Variants in CACNG2 observed in about 807,000 individuals in gnomAD.
CACNG2 encodes voltage-dependent calcium channel gamma-2 subunit.
A neutral mutation model predicts 25.9 loss-of-function variants in CACNG2; 3 were observed. The observed-to-expected ratio is 0.12, with a 90% confidence interval of 0.05 to 0.30. The LOEUF (loss-of-function observed/expected upper bound fraction) is 0.30, where lower values mean the gene tolerates loss of function less well. Among genes scored for constraint, CACNG2 ranks in the 10% least tolerant of loss-of-function variants. The probability of loss-of-function intolerance (pLI) is 1.00; values close to 1 mark genes in which losing one functional copy is unlikely to be tolerated. For missense variants in CACNG2, 341 were observed against 432.5 expected (o/e 0.79, Z 1.88); for synonymous variants, 167 against 173.3 (o/e 0.96, Z 0.29).
chr22:36,634,186 A>G (rs1290353270), intron 1 of CACNG2, among the ~76,000 whole-genome samples: 1 of 152,204 alleles, frequency 6.6e-6, no homozygotes, highest in Non-Finnish European at 1.5e-5. Context: ...TGTTTTCCCT[A>G]TAGTCTAGCA....
chr22:36,655,715 CTTTCTT>C (rs1936692806), intron 1 of CACNG2, among the ~76,000 whole-genome samples: 1 of 132,902 alleles, frequency 7.5e-6, no homozygotes, highest in Non-Finnish European at 1.5e-5. Flanking sequence ...TTCTCTTTCT[CTTTCTT>C]TCTTTTCTTT....
chr22:36,623,401 T>C (rs1339481431), intron 1 of CACNG2, among the ~76,000 whole-genome samples: 1 of 152,162 alleles, frequency 6.6e-6, no homozygotes, highest in East Asian at 1.9e-4. Flanking sequence ...TTGGCATTCA[T>C]ATGCTGGGGC....
chr22:36,699,980 G>A (rs575092501), intron 1 of CACNG2, among the ~76,000 whole-genome samples: 136 of 152,362 alleles, frequency 8.9e-4, no homozygotes, highest in African/African-American at 3.1e-3. Flanking sequence ...TTAAAGGCCC[G>A]GTCAAAAGCG....
intron 2 of CACNG2, among the ~76,000 whole-genome samples, chr22:36,582,830 T>G (rs1367982785): frequency 6.6e-6 from 1 of 151,844 alleles, no homozygotes; most frequent in Non-Finnish European, 1.5e-5. Context: ...TTAGTTTCAT[T>G]TTTTGCAGAC....
intron 1 of CACNG2, among the ~76,000 whole-genome samples, chr22:36,618,101 G>A (rs1026883845): frequency 1.6e-4 from 25 of 152,196 alleles, no homozygotes; most frequent in Admixed American, 1.4e-3. Flanking sequence ...ACACCAGGTG[G>A]CTTCTGGATG....
At chr22:36,622,428 G>A (rs1936119778) in intron 1 of CACNG2, among the ~76,000 whole-genome samples, 1 of 152,316 alleles carries the variant, frequency 6.6e-6, no homozygotes, top group Admixed American at 6.5e-5. Flanking sequence ...CTCATCATGA[G>A]GATCATGAGG....
At chr22:36,682,130 CA>C (rs1231631027) in intron 1 of CACNG2, among the ~76,000 whole-genome samples, 1 of 152,224 alleles carries the variant, frequency 6.6e-6, no homozygotes, top group Non-Finnish European at 1.5e-5. Context: ...CGAGACAGCT[CA>C]TTTCTAAGCT....
intron 1 of CACNG2, among the ~76,000 whole-genome samples, chr22:36,592,822 G>A (rs1341312890): frequency 6.6e-6 from 1 of 152,106 alleles, no homozygotes; most frequent in Non-Finnish European, 1.5e-5. Context: ...TGTCCTCTAC[G>A]GTTCGACTAG....
chr22:36,583,074 G>A (rs149817558), intron 2 of CACNG2, among the ~76,000 whole-genome samples: 93 of 152,158 alleles, frequency 6.1e-4, no homozygotes, highest in African/African-American at 2.2e-3. Context: ...AGAGGTCTTG[G>A]GTTTAGGAAT....
At chr22:36,663,698 T>C (rs1368961121) in intron 1 of CACNG2, among the ~76,000 whole-genome samples, 1 of 152,148 alleles carries the variant, frequency 6.6e-6, no homozygotes, top group Non-Finnish European at 1.5e-5. Context: ...GTCCTCAGCA[T>C]CCCTGGGCGC....
At chr22:36,604,607 G>A (rs1378995311) in intron 1 of CACNG2, among the ~76,000 whole-genome samples, 1 of 152,168 alleles carries the variant, frequency 6.6e-6, no homozygotes, top group East Asian at 1.9e-4. Flanking sequence ...TGGTCAATCA[G>A]CAGCTATCAA....
intron 1 of CACNG2, among the ~76,000 whole-genome samples, chr22:36,660,607 C>A (rs1825909072): frequency 6.6e-6 from 1 of 152,236 alleles, no homozygotes; most frequent in South Asian, 2.1e-4. Flanking sequence ...GGTGGCCTTC[C>A]TTCCACCAGC....
intron 2 of CACNG2, among the ~76,000 whole-genome samples, chr22:36,577,995 A>G (rs907851146): frequency 2.7e-5 from 4 of 149,802 alleles, no homozygotes; most frequent in South Asian, 4.4e-4. Context: ...GGGCTGGGGC[A>G]GGTCATTTTC....
chr22:36,566,550 A>C, intron 2 of CACNG2, 57 bp from the exon 3 acceptor site: 1 of 1,588,654 alleles, frequency 6.3e-7, no homozygotes, highest in Non-Finnish European at 8.6e-7. Context: ...AGACTGAGGC[A>C]CACAGAGGCA....
rs145203191 is a variant in CACNG2, at chr22:36,581,125, C to A, written c.295+6340G>T. On this transcript the variant is annotated intron_variant, in intron 2 of 3. Coordinates refer to ENST00000300105, the MANE Select transcript of CACNG2 (RefSeq NM_006078.5). ...AGGGAAGAGGATATGGAGGCTGCCA[C>A]AGCAGACACATTCGATGGGCCCACA... Among the ~76,000 whole-genome samples, 396 of 152,320 alleles carry A rather than the reference C, an allele frequency of 2.6e-3. 4 individuals are homozygous for A. Among genetic ancestry groups the A allele is most frequent in the African/African-American group, 9.0e-3 (375 of 41,546 alleles).
At chr22:36,624,784 CT>C (rs1936158825) in intron 1 of CACNG2, among the ~76,000 whole-genome samples, 2 of 152,054 alleles carry the variant, frequency 1.3e-5, no homozygotes, top group Non-Finnish European at 2.9e-5. Context: ...AATCCCAGGA[CT>C]TTGGGAGGCT....
chr22:36,656,705 A>C (rs1452527394), intron 1 of CACNG2, among the ~76,000 whole-genome samples: 2 of 152,112 alleles, frequency 1.3e-5, no homozygotes, highest in Non-Finnish European at 2.9e-5. Context: ...GCCTCCTTGC[A>C]CCTCATCAAA....
At chr22:36,662,315 G>A (rs189169256) in intron 1 of CACNG2, among the ~76,000 whole-genome samples, 6 of 152,186 alleles carry the variant, frequency 3.9e-5, no homozygotes, top group East Asian at 3.9e-4. Flanking sequence ...CTTGTGAAGC[G>A]GTTACAGCGA....
At chr22:36,681,133 C>T (rs139221300) in intron 1 of CACNG2, among the ~76,000 whole-genome samples, 144 of 152,232 alleles carry the variant, frequency 9.5e-4, no homozygotes, top group East Asian at 3.9e-3. Context: ...GCCTATTAAT[C>T]GATGGATCAT....
Sources: gnomAD v4.1 joint callset for allele counts (sites outside exome capture counted in the v4.1 genomes callset) on GRCh38, gnomAD v4.1.1 for gene constraint, MANE v1.5 for transcripts, NCBI Gene and HGNC (gene_info 2026-07-23, HGNC 2026-07-21) for gene names.